The following HVCN1 variants were observed in gnomAD, a reference collection of about 807,000 sequenced individuals.
HVCN1 encodes voltage-gated hydrogen channel 1.
A neutral mutation model predicts 29.2 loss-of-function variants in HVCN1; 14 were observed. The ratio of observed to expected loss-of-function variants is 0.48; its 90% CI spans 0.32 to 0.75. The LOEUF is 0.75. Ranked by LOEUF, HVCN1 falls within the 30% of genes least tolerant of loss-of-function variation. HVCN1 has a pLI of 0.04. For missense variants in HVCN1, 263 were observed against 341.8 expected, an observed-to-expected ratio of 0.77 and a Z score of 1.82; for synonymous variants, 131 against 133.2, an observed-to-expected ratio of 0.98 and a Z score of 0.11.
At chr12:110,695,797 G>T (rs956150390) in intron 2 of HVCN1, among the ~76,000 whole-genome samples, 3 of 152,164 alleles carry the variant, frequency 2.0e-5, no homozygotes, top group African/African-American at 7.2e-5. Context: ...GCCTTATGAG[G>T]CCAAAAGGAG....
At position 110,700,145 on chromosome 12, in the gene HVCN1, A is replaced by G. The variant is rs1438825898; in HGVS notation, c.-104+2164T>C. Among the ~76,000 whole-genome samples, 6 of 152,256 alleles carry G rather than the reference A, an allele frequency of 3.9e-5. No individual in the cohort carries two copies. The East Asian group carries it at 9.6e-4, about 24-fold the overall frequency. ...AGTCCCATGAACAAAGGAGACAGGA[A>G]TTGTGGCCTTTATTTAGGGCACCAC... On this transcript the variant is annotated intron_variant, in intron 2 of 4. Transcript: ENST00000546713.
At chr12:110,693,614 A>G (rs1296775968), upstream of HVCN1, among the ~76,000 whole-genome samples, 2 of 152,200 alleles carry the variant, frequency 1.3e-5, no homozygotes, top group Non-Finnish European at 2.9e-5. Flanking sequence ...ATGTTTTTAA[A>G]CCACAGTATA....
chr12:110,703,836 C>T (rs2069584333), intron 1 of HVCN1, among the ~76,000 whole-genome samples: 1 of 152,150 alleles, frequency 6.6e-6, no homozygotes, highest in African/African-American at 2.4e-5. Context: ...AGGCGTGCGC[C>T]ACCATGCCTG....
upstream of HVCN1, chr12:110,689,710 C>T (rs1463707724): frequency 6.6e-6 from 1 of 152,266 alleles, no homozygotes; most frequent in Non-Finnish European, 1.5e-5. This position sits in a 1 kb window ranked among gnomAD's most constrained non-coding sequence, Gnocchi z 5.7. Context: ...ATGGTACTGG[C>T]AAGAGGGAGC....
intron 2 of HVCN1, among the ~76,000 whole-genome samples, chr12:110,687,133 A>G (rs2069213176): frequency 6.6e-6 from 1 of 152,176 alleles, no homozygotes; most frequent in Admixed American, 6.5e-5. Flanking sequence ...GGTGCCAGGC[A>G]CTGATTTCCC....
intron 2 of HVCN1, among the ~76,000 whole-genome samples, chr12:110,687,671 G>A (rs1448344114): frequency 6.6e-6 from 1 of 152,140 alleles, no homozygotes; most frequent in Non-Finnish European, 1.5e-5. Flanking sequence ...GGGTGGAGGG[G>A]TGGCCGGATT....
At chr12:110,665,307 C>G (rs190588022) in intron 3 of HVCN1, among the ~76,000 whole-genome samples, 79 of 152,276 alleles carry the variant, frequency 5.2e-4, no homozygotes, top group African/African-American at 1.8e-3. Flanking sequence ...CCTGTAATCC[C>G]AGCACTTTGG....
chr12:110,671,148 G>C (rs2068561413), intron 3 of HVCN1, among the ~76,000 whole-genome samples: 1 of 152,126 alleles, frequency 6.6e-6, no homozygotes, highest in African/African-American at 2.4e-5. Context: ...CCAACACATT[G>C]AAAACCTGTC....
upstream of HVCN1, among the ~76,000 whole-genome samples, chr12:110,692,062 A>G (rs565804789): frequency 1.3e-5 from 2 of 152,332 alleles, no homozygotes; most frequent in African/African-American, 4.8e-5. Context: ...AATGTGTTAC[A>G]CTGTTATCCC....
At chr12:110,666,449 A>C (rs1040190163) in intron 3 of HVCN1, among the ~76,000 whole-genome samples, 1 of 152,000 alleles carries the variant, frequency 6.6e-6, no homozygotes, top group Admixed American at 6.5e-5. Context: ...AAAGAAAAGA[A>C]AAGATCAATG....
intron 3 of HVCN1, among the ~76,000 whole-genome samples, chr12:110,670,316 C>T (rs2068531862): frequency 6.6e-6 from 1 of 152,166 alleles, no homozygotes; most frequent in Non-Finnish European, 1.5e-5. Flanking sequence ...AGAAAGTCAG[C>T]CAACTCCCAA....
intron 3 of HVCN1, among the ~76,000 whole-genome samples, chr12:110,675,330 A>G (rs1435554690): frequency 6.6e-6 from 1 of 152,116 alleles, no homozygotes; most frequent in Non-Finnish European, 1.5e-5. Context: ...GTGGTGGCGC[A>G]TGCCTGTAGT....
Position 110,683,406 on chromosome 12 carries a change from A to AT in HVCN1, c.-19-143dup, listed in dbSNP as rs375093185. 4.1e-6 allele frequency: 4 copies of AT among 971,654 alleles called. No individual in the cohort carries two copies. In the African/African-American group the frequency reaches 6.7e-5, roughly 16 times the overall value. 60.2% of individuals were successfully genotyped at this position (971,654 alleles called of 1,614,324 possible). ...CCGAAATTAGTGTAAAGTACAAAGT[A>AT]TATGTAGGAGGGCATACATCCTGGA... On this transcript the variant is annotated intron_variant, in intron 2 of 7. Transcript: ENST00000242607.
chr12:110,702,948 C>T (rs892111217), intron 1 of HVCN1, among the ~76,000 whole-genome samples: 1 of 152,100 alleles, frequency 6.6e-6, no homozygotes, highest in African/African-American at 2.4e-5. Context: ...GTCACCATGC[C>T]CAGCAATTTT....
chr12:110,697,787 G>A (rs985502819), intron 2 of HVCN1, among the ~76,000 whole-genome samples: 30 of 151,938 alleles, frequency 2.0e-4, no homozygotes, highest in African/African-American at 7.0e-4. Context: ...TAGTACCTGG[G>A]ATTACAGGTG....
intron 2 of HVCN1, among the ~76,000 whole-genome samples, chr12:110,699,980 G>T (rs2069547280): frequency 6.6e-6 from 1 of 152,188 alleles, no homozygotes; most frequent in South Asian, 2.1e-4. Flanking sequence ...GGTCCAAGAG[G>T]GCAGCATCTG....
In HVCN1 at chr12:110,651,448, C is replaced by T; in HGVS notation, c.412G>A (p.Val138Ile). The change falls in exon 6 of 8, where the codon GTA (valine) becomes ATA (isoleucine). Residue 138 changes from valine to isoleucine, a missense_variant and splice_region_variant. Transcript: ENST00000242607. ...ATGGTGATGCTCATGTAGTGGAATA[C>T]CTGAAGGGGACAAGGAACCACAGTC... ...QPDKNNYAAM[V>I]FHYMSITILV... 4 of 1,604,130 alleles carry T rather than the reference C, an allele frequency of 2.5e-6. No individual in the cohort carries two copies. The highest frequency in any genetic ancestry group is 1.1e-5 in the South Asian group (1 of 90,886).
At chr12:110,655,372 G>A in intron 4 of HVCN1, 34 bp from the exon 5 acceptor site, 1 of 1,508,040 alleles carries the variant, frequency 6.6e-7, no homozygotes, top group Non-Finnish European at 9.2e-7. Context: ...GAGATCATGA[G>A]ACCCCCACAG....
Position 110,683,267 on chromosome 12 carries a change from G to A in HVCN1, c.-19-3C>T, listed in dbSNP as rs2069053809. The A allele has an allele frequency of 1.2e-6, 2 of 1,603,570 alleles. No individual in the cohort carries two copies. The highest frequency in any genetic ancestry group is 4.5e-5 in the East Asian group (2 of 44,736). ...CCATGTCCCTGTTGCCTCTGGATCT[G>A]AAAAATAAAAAGACATTTGTCCAGA... On this transcript the variant is annotated splice_polypyrimidine_tract_variant and splice_region_variant and intron_variant, in intron 2 of 7. Transcript: ENST00000242607.
Sources: gnomAD v4.1 joint callset for allele counts (sites outside exome capture counted in the v4.1 genomes callset) on GRCh38, gnomAD v4.1.1 for gene constraint, Gnocchi (gnomAD v3.1) non-coding constraint, MANE v1.5 for transcripts, NCBI Gene and HGNC (gene_info 2026-07-23, HGNC 2026-07-21) for gene names.